ARID3B: variants seen among roughly 807,000 people sequenced by gnomAD.
ARID3B encodes AT-rich interaction domain 3B.
In ARID3B, 10 loss-of-function variants were observed where a neutral mutation model predicts 51.9. The ratio of observed to expected loss-of-function variants is 0.19; its 90% CI spans 0.12 to 0.33. The LOEUF (loss-of-function observed/expected upper bound fraction) is 0.33. Ranked by LOEUF, ARID3B falls within the 10% of genes least tolerant of loss-of-function variation. The pLI is 1.00. For synonymous variants in ARID3B, 205 were observed against 279.5 expected, an observed-to-expected ratio of 0.73 and a Z score of 2.66; for missense variants, 483 against 716.3, an observed-to-expected ratio of 0.67 and a Z score of 3.72.
intron 4 of ARID3B, among the ~76,000 whole-genome samples, chr15:74,582,250 C>T (rs1034502433): frequency 7.9e-5 from 12 of 152,056 alleles, no homozygotes; most frequent in Admixed American, 1.3e-4. Flanking sequence ...TCACTGCAAC[C>T]TCCGCCGCCC....
At chr15:74,559,780 A>G (rs1474903128) in intron 2 of ARID3B, among the ~76,000 whole-genome samples, 1 of 152,138 alleles carries the variant, frequency 6.6e-6, no homozygotes, top group Non-Finnish European at 1.5e-5. Context: ...TGGAAAATGT[A>G]AAAATTTGTA....
rs894909137 is a variant in ARID3B, at chr15:74,544,542, G to A, written c.552+54G>A. On this transcript the variant is annotated intron_variant, in intron 2 of 8. Transcript: ENST00000346246. ...TGGTCTTCCTGAAGGCCAGAGAGGG[G>A]TCATGGACTGACAGGGTCAGGGGCT... The A allele has an allele frequency of 1.9e-6, 3 of 1,556,710 alleles. No individual in the cohort carries two copies. In the African/African-American group the frequency reaches 4.1e-5, roughly 21 times the overall value.
At chr15:74,561,900 C>T (rs1162175123) in intron 2 of ARID3B, among the ~76,000 whole-genome samples, 1 of 152,054 alleles carries the variant, frequency 6.6e-6, no homozygotes, top group Non-Finnish European at 1.5e-5. Flanking sequence ...CAGTAAATTA[C>T]AAGATACTCA....
chr15:74,594,441 C>G (rs1380048125), intron 8 of ARID3B, among the ~76,000 whole-genome samples: 1 of 152,068 alleles, frequency 6.6e-6, no homozygotes, highest in Non-Finnish European at 1.5e-5. Context: ...GAGTGAGACT[C>G]CGTCTCAAAA....
At chr15:74,588,724 C>T (rs2061790876) in intron 4 of ARID3B, among the ~76,000 whole-genome samples, 1 of 152,070 alleles carries the variant, frequency 6.6e-6, no homozygotes, top group African/African-American at 2.4e-5. Context: ...CTCACCATAT[C>T]CCCTGGTGCT....
intron 4 of ARID3B, among the ~76,000 whole-genome samples, chr15:74,575,184 A>T (rs976020563): frequency 6.6e-6 from 1 of 152,062 alleles, no homozygotes; most frequent in South Asian, 2.1e-4. Flanking sequence ...TCCTGTCTCA[A>T]AGGGGCTGCC....
intron 4 of ARID3B, among the ~76,000 whole-genome samples, chr15:74,579,828 C>CCTGTGTGT (rs774894759): frequency 1.5e-5 from 2 of 137,768 alleles, no homozygotes; most frequent in Non-Finnish European, 3.1e-5. Flanking sequence ...CACCTGTTGC[C>CCTGTGTGT]GTGTGTGTGT....
At chr15:74,559,277 T>C (rs1015698675) in intron 2 of ARID3B, among the ~76,000 whole-genome samples, 9 of 152,226 alleles carry the variant, frequency 5.9e-5, no homozygotes, top group Non-Finnish European at 8.8e-5. Context: ...CTGCTTTCTT[T>C]CTGGGTTTCA....
intron 4 of ARID3B, among the ~76,000 whole-genome samples, chr15:74,582,324 C>T (rs957314329): frequency 1.3e-5 from 2 of 152,182 alleles, no homozygotes; most frequent in African/African-American, 2.4e-5. Context: ...CCTGCCACCA[C>T]GTCTGGCTAA....
At chr15:74,561,297 GATGAATAGA>G (rs1431314954) in intron 2 of ARID3B, among the ~76,000 whole-genome samples, 1 of 152,180 alleles carries the variant, frequency 6.6e-6, no homozygotes, top group East Asian at 1.9e-4. Flanking sequence ...GAATGAGAAG[GATGAATAGA>G]ATGAATAGGA....
intron 4 of ARID3B, 185 bp downstream of exon 4, chr15:74,573,389 G>T (rs2061726148): frequency 3.1e-6 from 2 of 642,380 alleles, no homozygotes; most frequent in Non-Finnish European, 5.5e-6. Flanking sequence ...CAGAGAAGGT[G>T]TTGGCACAAA....
At chr15:74,562,099 T>A (rs1270150162) in intron 2 of ARID3B, among the ~76,000 whole-genome samples, 3 of 151,522 alleles carry the variant, frequency 2.0e-5, no homozygotes, top group Admixed American at 6.6e-5. Context: ...AGGCTAGGTG[T>A]ATTAAATGCA....
rs1370129954 is a variant in ARID3B at position 74,544,246 on chromosome 15, G to T, written c.310G>T (p.Asp104Tyr). Residue 104 changes from aspartate (D) to tyrosine (Y), a missense_variant, in exon 2 of 9, where the codon GAT becomes TAT. Coordinates refer to ENST00000346246, the MANE Select transcript of ARID3B (RefSeq NM_006465.4). ...EDGGLEDEDG[D>Y]DEVAEVAEKE... ...CGGAGGTTTGGAAGATGAGGATGGG[G>T]ATGATGAAGTTGCAGAGGTGGCTGA... 5 of 1,614,202 alleles carry T rather than the reference G, an allele frequency of 3.1e-6. No individual in the cohort carries two copies. The highest frequency in any genetic ancestry group is 4.2e-6 in the Non-Finnish European group (5 of 1,180,022).
At chr15:74,561,380 G>A (rs1596254753) in intron 2 of ARID3B, among the ~76,000 whole-genome samples, 1 of 152,268 alleles carries the variant, frequency 6.6e-6, no homozygotes, top group African/African-American at 2.4e-5. Flanking sequence ...CACATGGATA[G>A]CACCTTCATG....
chr15:74,585,206 C>G (rs1272315203), intron 4 of ARID3B, among the ~76,000 whole-genome samples: 1 of 152,244 alleles, frequency 6.6e-6, no homozygotes, highest in Non-Finnish European at 1.5e-5. Context: ...CCACAAAGAT[C>G]TCTCTTCAGT....
intron 2 of ARID3B, among the ~76,000 whole-genome samples, chr15:74,549,043 TG>T (rs1480802235): frequency 6.6e-6 from 1 of 152,132 alleles, no homozygotes; most frequent in African/African-American, 2.4e-5. Context: ...CTAATTAAGG[TG>T]TAGTCCCTTG....
At chr15:74,573,313 G>A in intron 4 of ARID3B, 109 bp downstream of exon 4, 1 of 1,223,544 alleles carries the variant, frequency 8.2e-7, no homozygotes, top group Non-Finnish European at 1.2e-6. Context: ...TCCAGGAGGA[G>A]AAGAGGCATT....
intron 1 of ARID3B, among the ~76,000 whole-genome samples, chr15:74,542,502 A>G (rs866261017): frequency 6.6e-6 from 1 of 152,264 alleles, no homozygotes; most frequent in African/African-American, 2.4e-5. Flanking sequence ...TAATTGGCCT[A>G]GCTTTAAAAA....
intron 2 of ARID3B, among the ~76,000 whole-genome samples, chr15:74,548,543 G>C (rs1221683858): frequency 6.6e-6 from 1 of 152,174 alleles, no homozygotes; most frequent in Non-Finnish European, 1.5e-5. Flanking sequence ...TCCCCTTCTA[G>C]CATGTTTTAC....
Sources: allele counts gnomAD v4.1 joint callset (sites outside exome capture counted in the v4.1 genomes callset), GRCh38; gene constraint gnomAD v4.1.1; transcripts MANE v1.5; gene names NCBI Gene and HGNC (gene_info 2026-07-23, HGNC 2026-07-21).